PTGER4: variants seen among roughly 807,000 people sequenced by gnomAD.
The protein encoded by PTGER4 is prostaglandin E2 receptor EP4 subtype.
Under a neutral mutation model 33.2 loss-of-function variants are expected in PTGER4, and 11 were observed. That is an observed-to-expected ratio of 0.33 (90% CI 0.21 to 0.55). PTGER4 has a LOEUF of 0.55. Ranked by LOEUF, PTGER4 falls within the 20% of genes least tolerant of loss-of-function variation. The probability of loss-of-function intolerance (pLI) is 0.92; values close to 1 mark genes in which losing one functional copy is unlikely to be tolerated. For missense variants in PTGER4, 481 were observed against 650.2 expected, an observed-to-expected ratio of 0.74 and a Z score of 2.83; for synonymous variants, 275 against 281.5, an observed-to-expected ratio of 0.98 and a Z score of 0.23.
chr5:40,710,774 G>T, the PTGER4 span, among the ~76,000 whole-genome samples: 1 of 152,180 alleles, frequency 6.6e-6, no homozygotes, highest in Non-Finnish European at 1.5e-5. Context: ...CATGTCCTTT[G>T]TAGGGACATG....
chr5:40,704,712 G>C, the PTGER4 span, among the ~76,000 whole-genome samples: 1 of 152,110 alleles, frequency 6.6e-6, no homozygotes, highest in East Asian at 1.9e-4. Flanking sequence ...AATCAGAAAA[G>C]CAATCCCATT....
At chr5:40,736,269 C>T in the PTGER4 span, among the ~76,000 whole-genome samples, 24 of 152,284 alleles carry the variant, frequency 1.6e-4, no homozygotes, top group Admixed American at 1.5e-3. Flanking sequence ...GAGCATGAGG[C>T]AAAACCACTG....
the PTGER4 span, chr5:40,715,152 G>C: frequency 2.0e-5 from 3 of 151,734 alleles, no homozygotes; most frequent in Non-Finnish European, 4.4e-5. Flanking sequence ...TTTATTTTTA[G>C]AAAGATATAA....
chr5:40,721,713 G>A, the PTGER4 span, among the ~76,000 whole-genome samples: 1 of 149,752 alleles, frequency 6.7e-6, no homozygotes, highest in African/African-American at 2.4e-5. Flanking sequence ...AAAAAAACAG[G>A]GAAAACCTTC....
At chr5:40,719,792 A>G in the PTGER4 span, among the ~76,000 whole-genome samples, 1 of 152,176 alleles carries the variant, frequency 6.6e-6, no homozygotes, top group Non-Finnish European at 1.5e-5. Context: ...GACAAGTAAC[A>G]ATGTTGAGCA....
At chr5:40,727,722 A>G in the PTGER4 span, among the ~76,000 whole-genome samples, 1 of 152,190 alleles carries the variant, frequency 6.6e-6, no homozygotes, top group Non-Finnish European at 1.5e-5. Context: ...GATCCAAAGA[A>G]CTAAGCCAAA....
chr5:40,688,600 G>T (rs1741389006), intron 2 of PTGER4, among the ~76,000 whole-genome samples: 2 of 152,192 alleles, frequency 1.3e-5, no homozygotes, highest in Non-Finnish European at 2.9e-5. Context: ...CAGGGTGGGG[G>T]ACATCCTAAG....
At chr5:40,694,968 T>C (rs4957343), downstream of PTGER4, among the ~76,000 whole-genome samples, 52,195 of 152,206 alleles carry the variant, frequency 0.34, 10,063 homozygotes, top group Admixed American at 0.45. Context: ...AGGAAAGTTC[T>C]GATTGTCTAA....
chr5:40,716,859 TC>T, the PTGER4 span, among the ~76,000 whole-genome samples: 264 of 152,318 alleles, frequency 1.7e-3, 1 homozygote, highest in African/African-American at 6.0e-3. Flanking sequence ...GGAGTGGATA[TC>T]TTTGAAGTTA....
the PTGER4 span, among the ~76,000 whole-genome samples, chr5:40,722,697 C>T: frequency 4.6e-5 from 7 of 151,752 alleles, no homozygotes; most frequent in African/African-American, 1.7e-4. Context: ...AAGTGAGGAG[C>T]GTCTCCGCCC....
chr5:40,703,878 G>A, the PTGER4 span, among the ~76,000 whole-genome samples: 10 of 112,384 alleles, frequency 8.9e-5, no homozygotes, highest in African/African-American at 1.7e-4. Context: ...ACTCCAGCCC[G>A]GGCAACAGAG....
At chr5:40,696,488 G>T (rs1353684677), downstream of PTGER4, among the ~76,000 whole-genome samples, 1 of 152,190 alleles carries the variant, frequency 6.6e-6, no homozygotes, top group African/African-American at 2.4e-5. Flanking sequence ...GAGAGCATTT[G>T]GTCCCATTGC....
At chr5:40,708,896 G>A in the PTGER4 span, among the ~76,000 whole-genome samples, 5 of 152,062 alleles carry the variant, frequency 3.3e-5, no homozygotes, top group South Asian at 2.1e-4. Flanking sequence ...ATCAATAAAC[G>A]TAATCCAGCA....
the PTGER4 span, among the ~76,000 whole-genome samples, chr5:40,744,736 C>T: frequency 1.3e-5 from 2 of 152,024 alleles, no homozygotes; most frequent in Non-Finnish European, 2.9e-5. Context: ...ATCAACAATT[C>T]TTATACTGTC....
At chr5:40,701,445 C>T in the PTGER4 span, among the ~76,000 whole-genome samples, 1 of 152,094 alleles carries the variant, frequency 6.6e-6, no homozygotes, top group African/African-American at 2.4e-5. Context: ...AACTTGAAGA[C>T]TGGTTCTCTG....
the PTGER4 span, among the ~76,000 whole-genome samples, chr5:40,712,322 T>C: frequency 1.1e-4 from 17 of 152,186 alleles, no homozygotes; most frequent in African/African-American, 4.1e-4. Flanking sequence ...GTTTTTAATA[T>C]ATCTCATGCT....
chr5:40,700,048 C>T, the PTGER4 span, among the ~76,000 whole-genome samples: 1 of 152,180 alleles, frequency 6.6e-6, no homozygotes, highest in East Asian at 1.9e-4. Flanking sequence ...GTATGTAGAA[C>T]ATTCCAAGGA....
At chr5:40,724,541 G>A in the PTGER4 span, among the ~76,000 whole-genome samples, 5 of 151,958 alleles carry the variant, frequency 3.3e-5, no homozygotes, top group South Asian at 2.1e-4. Flanking sequence ...GCTGAGGAAC[G>A]AGAATGGCTT....
intron 2 of PTGER4, among the ~76,000 whole-genome samples, chr5:40,687,029 T>TTTTTTGTTTTTG (rs45527140): frequency 6.6e-6 from 1 of 151,894 alleles, no homozygotes; most frequent in African/African-American, 2.4e-5. Context: ...TTCAGTGAGT[T>TTTTTTGTTTTTG]TTTTTGTTTT....
Sources: gnomAD v4.1 joint callset for allele counts (sites outside exome capture counted in the v4.1 genomes callset) on GRCh38, gnomAD v4.1.1 for gene constraint, MANE v1.5 for transcripts, NCBI Gene and HGNC (gene_info 2026-07-23, HGNC 2026-07-21) for gene names.